The following CPEB3 variants were observed in gnomAD, a reference collection of about 807,000 sequenced individuals.
The protein encoded by CPEB3 is cytoplasmic polyadenylation element binding protein 3, also known as cytoplasmic polyadenylation element-binding protein 3.
Under a neutral mutation model 67.2 loss-of-function variants are expected in CPEB3, and 20 were observed. That is an observed-to-expected ratio of 0.30 (90% CI 0.21 to 0.43). The LOEUF (loss-of-function observed/expected upper bound fraction) is 0.43. Ranked by LOEUF, CPEB3 falls within the 20% of genes least tolerant of loss-of-function variation. The pLI is 1.00. For missense variants in CPEB3, 746 were observed against 968.6 expected, an observed-to-expected ratio of 0.77 and a Z score of 3.05; for synonymous variants, 376 against 393.1, an observed-to-expected ratio of 0.96 and a Z score of 0.51.
At position 92,178,481 on chromosome 10, in the gene CPEB3, G is replaced by A. The variant is rs544905356; in HGVS notation, c.1222+2482C>T. Among the ~76,000 whole-genome samples, 2 of 152,156 alleles carry A rather than the reference G, an allele frequency of 1.3e-5. 1 individual carries two copies. The highest frequency in any genetic ancestry group is 4.1e-4 in the South Asian group (2 of 4,824). The stretch of plus-strand genomic sequence containing the variant: ...GCGATCTCAATTATTCCTACATGAA[G>A]GTTGACAGAAAGGAAGAAGGATAGA... On this transcript the variant is annotated intron_variant, in intron 4 of 9. Coordinates refer to ENST00000265997, the MANE Select transcript of CPEB3 (RefSeq NM_014912.5).
chr10:92,191,752 T>C lies in CPEB3; in HGVS notation c.1165+725A>G, dbSNP rs1848996096. Among the ~76,000 whole-genome samples, 3 of 152,232 alleles carry C rather than the reference T, an allele frequency of 2.0e-5. No homozygotes were observed. In the South Asian group the frequency reaches 6.2e-4, roughly 32 times the overall value. On this transcript the variant is annotated intron_variant, in intron 3 of 9. Coordinates refer to ENST00000265997, the MANE Select transcript of CPEB3 (RefSeq NM_014912.5). ...TATAATGGATATTTCCATAGGTAAT[T>C]TGCATTACAGTATTTTTAAATATCT... is the stretch of plus-strand genomic sequence containing the variant.
At chr10:92,143,207 A>G in intron 5 of CPEB3, 89 bp from the exon 6 acceptor site, 1 of 987,424 alleles carries the variant, frequency 1.0e-6, no homozygotes, top group Non-Finnish European at 1.5e-6. Context: ...TTTTTAGTTT[A>G]AAAAAATGTT....
chr10:92,106,587 G>A (rs946894342), intron 7 of CPEB3, among the ~76,000 whole-genome samples: 1 of 151,970 alleles, frequency 6.6e-6, no homozygotes, highest in Non-Finnish European at 1.5e-5. Flanking sequence ...GTCCAAGGCG[G>A]GTGGATCACC....
chr10:92,135,183 G>C (rs1440728970), intron 6 of CPEB3, among the ~76,000 whole-genome samples: 2 of 152,154 alleles, frequency 1.3e-5, no homozygotes, highest in African/African-American at 4.8e-5. Flanking sequence ...TTAAACTAAA[G>C]AGCTTCTGCA....
At chr10:92,271,141 C>A (rs542806106) in intron 1 of CPEB3, among the ~76,000 whole-genome samples, 79 of 152,284 alleles carry the variant, frequency 5.2e-4, no homozygotes, top group African/African-American at 1.8e-3. Context: ...CGAGATCGCA[C>A]CACCGCATTC....
intron 2 of CPEB3, among the ~76,000 whole-genome samples, chr10:92,201,761 G>A (rs1849537109): frequency 6.6e-6 from 1 of 152,118 alleles, no homozygotes; most frequent in Admixed American, 6.6e-5. Context: ...AGAACTTTAT[G>A]CAGAAGTACA....
rs74149391 is a variant in CPEB3, at chr10:92,222,678, C to T, written c.1005+16668G>A. Among the ~76,000 whole-genome samples, 1,130 of 151,922 alleles carry T rather than the reference C, an allele frequency of 7.4e-3. 13 individuals are homozygous for T. Among genetic ancestry groups the T allele is most frequent in the African/African-American group, 0.026 (1,082 of 41,420 alleles). On this transcript the variant is annotated intron_variant, in intron 2 of 9. Coordinates refer to ENST00000265997, the MANE Select transcript of CPEB3 (RefSeq NM_014912.5). ...TCTTAACCATTTTTAAGTTATGGACCCCTTTGAAAATTTAATGAATGTTAC... is the reference window on the plus strand; with the variant it reads ...TCTTAACCATTTTTAAGTTATGGACTCCTTTGAAAATTTAATGAATGTTAC...
Position 92,091,837 on chromosome 10 carries a change from A to G in CPEB3, c.1680T>C (p.Leu560=), listed in dbSNP as rs1204184471. The G allele has an allele frequency of 1.2e-6, 2 of 1,601,228 alleles. No individual in the cohort carries two copies. Among genetic ancestry groups the G allele is most frequent in the African/African-American group, 1.3e-5 (1 of 74,460 alleles). The change falls in exon 8 of 10, where the codon CTT becomes CTC. Residue 560 remains leucine, a synonymous_variant. Transcript: ENST00000265997. ...ATTACTATTTCCACTCACCAGCTCG[A>G]AGGGGTCGTGGAACTCCCCCAACAA... ...TIFVGGVPRP[L]RAVELAMIMD...
At chr10:92,257,943 T>C (rs996938930) in intron 1 of CPEB3, among the ~76,000 whole-genome samples, 1 of 152,082 alleles carries the variant, frequency 6.6e-6, no homozygotes, top group African/African-American at 2.4e-5. Flanking sequence ...TTGGCCAGGC[T>C]GGTCTCACAC....
intron 1 of CPEB3, among the ~76,000 whole-genome samples, chr10:92,251,389 TTC>T (rs140503056): frequency 1.1e-3 from 162 of 148,462 alleles, no homozygotes; most frequent in South Asian, 3.6e-3. Flanking sequence ...TTCTCTCCTC[TTC>T]TCTCTCTCTC....
At chr10:92,164,463 C>T (rs1847641795) in intron 4 of CPEB3, among the ~76,000 whole-genome samples, 1 of 152,030 alleles carries the variant, frequency 6.6e-6, no homozygotes, top group Non-Finnish European at 1.5e-5. Context: ...GCAGTTGATC[C>T]CCTCCCCTAA....
chr10:92,233,475 T>TGCAG (rs897581310), intron 2 of CPEB3, among the ~76,000 whole-genome samples: 2 of 150,806 alleles, frequency 1.3e-5, no homozygotes, highest in Non-Finnish European at 2.9e-5. Context: ...AGGCAGATGT[T>TGCAG]GCAGTGAGCC....
intron 1 of CPEB3, among the ~76,000 whole-genome samples, chr10:92,289,732 A>AAAAAAAAAAAAAAAAAAAAAAATAT: frequency 2.6e-5 from 2 of 75,768 alleles, no homozygotes; most frequent in Non-Finnish European, 2.6e-5. Context: ...AAAAAAAAAA[A>AAAAAAAAAAAAAAAAAAAAAAATAT]ATATATATAT....
chr10:92,119,122 G>T, intron 6 of CPEB3: 1 of 1,586,594 alleles, frequency 6.3e-7, no homozygotes, highest in Non-Finnish European at 8.7e-7. Flanking sequence ...TGGCTGTCCT[G>T]GTTCTTACTG....
chr10:92,087,595 G>C (rs997868405), intron 8 of CPEB3, among the ~76,000 whole-genome samples: 1 of 152,168 alleles, frequency 6.6e-6, no homozygotes, highest in Non-Finnish European at 1.5e-5. Context: ...CCCATCAGAT[G>C]CCAAAACCAA....
intron 1 of CPEB3, among the ~76,000 whole-genome samples, chr10:92,264,888 C>G (rs11186882): frequency 6.6e-6 from 1 of 151,864 alleles, no homozygotes; most frequent in Non-Finnish European, 1.5e-5. Flanking sequence ...AATTTAAGGT[C>G]GGGCATGTGG....
At chr10:92,055,649 A>G (rs1441405503) in intron 9 of CPEB3, among the ~76,000 whole-genome samples, 1 of 152,164 alleles carries the variant, frequency 6.6e-6, no homozygotes, top group Admixed American at 6.5e-5. Context: ...TAAGTTTGCA[A>G]TTTCCCATCA....
chr10:92,262,437 A>G (rs1852844834), intron 1 of CPEB3, among the ~76,000 whole-genome samples: 2 of 152,212 alleles, frequency 1.3e-5, no homozygotes, highest in Non-Finnish European at 1.5e-5. Context: ...AGAGTTAAGT[A>G]CCTTCATTAT....
chr10:92,236,073 T>C (rs72807268), intron 2 of CPEB3, among the ~76,000 whole-genome samples: 17,403 of 152,210 alleles, frequency 0.11, 1,294 homozygotes, highest in Middle Eastern at 0.19. Flanking sequence ...AAGATTCACA[T>C]ATATAATTCC....
Sources: gnomAD v4.1 joint callset for allele counts (sites outside exome capture counted in the v4.1 genomes callset) on GRCh38, gnomAD v4.1.1 for gene constraint, MANE v1.5 for transcripts, NCBI Gene and HGNC (gene_info 2026-07-23, HGNC 2026-07-21) for gene names.